Variants in NEMP2 observed in about 807,000 individuals in gnomAD.
NEMP2 encodes nuclear envelope integral membrane protein 2, also known as UPF0571 transmembrane protein.
In NEMP2, 53 loss-of-function variants were observed where a neutral mutation model predicts 54.2. That is an observed-to-expected ratio of 0.98 (90% CI 0.78 to 1.23). The LOEUF is 1.23. Ranked by LOEUF, NEMP2 falls within the 50% of genes most tolerant of loss-of-function variation. The pLI is 0.00. For missense variants in NEMP2, 455 were observed against 511.3 expected (o/e 0.89, Z 1.06); for synonymous variants, 197 against 190.3 (o/e 1.04, Z -0.29).
the NEMP2 span, among the ~76,000 whole-genome samples, chr2:190,622,720 A>G: frequency 6.6e-6 from 1 of 152,304 alleles, no homozygotes. Flanking sequence ...CCCTTATCTA[A>G]TAAGGAATTT....
At chr2:190,635,141 A>G in the NEMP2 span, among the ~76,000 whole-genome samples, 1 of 152,238 alleles carries the variant, frequency 6.6e-6, no homozygotes, top group East Asian at 1.9e-4. The surrounding 1 kb of genome is among the most constrained non-coding windows in gnomAD (Gnocchi z 4.1). Flanking sequence ...TGCAGCAACA[A>G]TGGTTGTTGT....
the NEMP2 span, among the ~76,000 whole-genome samples, chr2:190,545,544 C>T: frequency 1.3e-5 from 2 of 152,184 alleles, no homozygotes; most frequent in Non-Finnish European, 2.9e-5. Flanking sequence ...GATTCAGGAA[C>T]CTTTCAATTC....
At chr2:190,537,720 A>G (rs1021461750), upstream of NEMP2, among the ~76,000 whole-genome samples, 3 of 152,232 alleles carry the variant, frequency 2.0e-5, no homozygotes, top group East Asian at 1.9e-4. Context: ...CTGACGATGC[A>G]ATAGAAAAGG....
At chr2:190,548,162 G>A in the NEMP2 span, among the ~76,000 whole-genome samples, 2 of 152,140 alleles carry the variant, frequency 1.3e-5, no homozygotes, top group Non-Finnish European at 2.9e-5. Flanking sequence ...CCACATTGTG[G>A]TTGTGTCCCT....
chr2:190,482,167 T>A, the NEMP2 span, among the ~76,000 whole-genome samples: 1 of 152,228 alleles, frequency 6.6e-6, no homozygotes, highest in Non-Finnish European at 1.5e-5. Context: ...GCATTGCAGA[T>A]GGCAGATTCT....
At chr2:190,621,094 A>C in the NEMP2 span, among the ~76,000 whole-genome samples, 1 of 152,234 alleles carries the variant, frequency 6.6e-6, no homozygotes, top group Non-Finnish European at 1.5e-5. Flanking sequence ...ATACCATTGA[A>C]AGAAATTAAA....
At chr2:190,627,539 T>C in the NEMP2 span, among the ~76,000 whole-genome samples, 1 of 151,638 alleles carries the variant, frequency 6.6e-6, no homozygotes, top group African/African-American at 2.4e-5. The surrounding 1 kb of genome is among the most constrained non-coding windows in gnomAD (Gnocchi z 4.4). Flanking sequence ...AGTAATAACA[T>C]ATTCATATTA....
At chr2:190,517,444 A>T (rs1006286427) in intron 5 of NEMP2, 76 bp downstream of exon 5, 1 of 1,028,380 alleles carries the variant, frequency 9.7e-7, no homozygotes, top group African/African-American at 1.6e-5. Context: ...CATAATGTGA[A>T]TTAATTTTGA....
the NEMP2 span, among the ~76,000 whole-genome samples, chr2:190,496,452 C>T: frequency 6.6e-6 from 1 of 152,132 alleles, no homozygotes; most frequent in East Asian, 1.9e-4. The surrounding 1 kb of genome is among the most constrained non-coding windows in gnomAD (Gnocchi z 4.7). Flanking sequence ...AGTAGAACTA[C>T]CATTTGATCC....
At chr2:190,597,486 C>T in the NEMP2 span, among the ~76,000 whole-genome samples, 1 of 151,992 alleles carries the variant, frequency 6.6e-6, no homozygotes, top group Non-Finnish European at 1.5e-5. The surrounding 1 kb of genome is among the most constrained non-coding windows in gnomAD (Gnocchi z 4.7). Context: ...AAAATGTTAC[C>T]TGAAAATTAC....
Position 190,518,982 on chromosome 2 carries a change from A to G in NEMP2, c.415T>C (p.Phe139Leu), listed in dbSNP as rs558356478. The G allele has an allele frequency of 2.5e-5, 39 of 1,551,380 alleles. No homozygotes were observed. The South Asian group carries it at 4.4e-4, about 18-fold the overall frequency. Reference sequence around the variant, plus strand: ...CGATTCACATGTATCATATAGTTAAATATCTTCTTGACAGGCTCCACAGAG... The same window carrying G: ...CGATTCACATGTATCATATAGTTAAGTATCTTCTTGACAGGCTCCACAGAG... ...CFSVEPVKKIFNYMIHVNRNI... is the reference protein window; with the variant it reads ...CFSVEPVKKILNYMIHVNRNI... Residue 139 changes from phenylalanine (F) to leucine (L), a missense_variant, in exon 3 of 9, where the codon TTT (phenylalanine) becomes CTT (leucine). Physicochemically the swap from Phe to Leu is conservative, Grantham distance 22. This residue lies in a region of NEMP2 where 61 missense variants were observed against 97.5 expected (regional missense o/e 0.63). Coordinates refer to ENST00000409150, the MANE Select transcript of NEMP2 (RefSeq NM_001142645.2).
chr2:190,535,255 A>T (rs1436411090), upstream of NEMP2: 1 of 152,250 alleles, frequency 6.6e-6, no homozygotes, highest in Non-Finnish European at 1.5e-5. Flanking sequence ...GCAATAACAA[A>T]TTGGAAATTT....
rs1196189374 is a variant in NEMP2 at position 190,528,244 on chromosome 2, A to ATG, written c.98-2868_98-2867dup. The stretch of plus-strand genomic sequence containing the variant: ...CTATAGAAAAGAAGAATGTCAAGGA[A>ATG]TGTAGTATATAACCTGGAAGATCCT... On this transcript the variant is annotated intron_variant, in intron 1 of 8. Transcript: ENST00000409150. The surrounding 1 kb of genome is among the most constrained non-coding windows in gnomAD (Gnocchi z 4.3). Among the ~76,000 whole-genome samples, 2 of 152,188 alleles carry ATG rather than the reference A, an allele frequency of 1.3e-5. No homozygotes were observed. The highest frequency in any genetic ancestry group is 6.5e-5 in the Admixed American group (1 of 15,284).
At chr2:190,592,011 T>TA in the NEMP2 span, among the ~76,000 whole-genome samples, 3 of 152,166 alleles carry the variant, frequency 2.0e-5, 1 homozygote, top group South Asian at 6.2e-4. The surrounding 1 kb of genome is among the most constrained non-coding windows in gnomAD (Gnocchi z 4.4). Flanking sequence ...TTCTTGCAAT[T>TA]AAAAAAGAAA....
At chr2:190,479,158 G>A in the NEMP2 span, among the ~76,000 whole-genome samples, 1 of 152,178 alleles carries the variant, frequency 6.6e-6, no homozygotes, top group Non-Finnish European at 1.5e-5. Context: ...GGCTATTCAA[G>A]CCTTTATTGG....
chr2:190,464,905 TGGTGGG>T, the NEMP2 span: 2 of 800,946 alleles, frequency 2.5e-6, no homozygotes, highest in Non-Finnish European at 2.9e-6. Flanking sequence ...TAGTGGCTTT[TGGTGGG>T]GGTGGGGGAG....
chr2:190,422,342 C>T, the NEMP2 span, among the ~76,000 whole-genome samples: 13 of 152,288 alleles, frequency 8.5e-5, no homozygotes, highest in African/African-American at 2.9e-4. Context: ...GTTCTGTCAT[C>T]CCTGTATTCC....
At chr2:190,490,404 A>C in the NEMP2 span, among the ~76,000 whole-genome samples, 1 of 152,212 alleles carries the variant, frequency 6.6e-6, no homozygotes, top group Admixed American at 6.5e-5. This position sits in a 1 kb window ranked among gnomAD's most constrained non-coding sequence, Gnocchi z 4.5. Flanking sequence ...TCTACTAAAA[A>C]TATAAAAAAT....
chr2:190,571,516 C>G, the NEMP2 span, among the ~76,000 whole-genome samples: 1 of 151,884 alleles, frequency 6.6e-6, no homozygotes, highest in African/African-American at 2.4e-5. Flanking sequence ...GCACTTCAGT[C>G]TGGGTGACAG....
Sources: allele counts gnomAD v4.1 joint callset (sites outside exome capture counted in the v4.1 genomes callset), GRCh38; gene constraint gnomAD v4.1.1; regional missense constraint gnomAD v4.1.1; non-coding constraint Gnocchi (gnomAD v3.1); transcripts MANE v1.5; gene names NCBI Gene and HGNC (gene_info 2026-07-23, HGNC 2026-07-21).